ZNF536: variants seen among roughly 807,000 people sequenced by gnomAD.
ZNF536 encodes zinc finger protein 536.
ZNF536 carries 13 observed loss-of-function variants against 84.5 expected under a neutral mutation model. That is an observed-to-expected ratio of 0.15 (90% CI 0.10 to 0.24). The LOEUF (loss-of-function observed/expected upper bound fraction) is 0.24, where lower values mean the gene tolerates loss of function less well. Ranked by LOEUF, ZNF536 falls within the 10% of genes least tolerant of loss-of-function variation. The pLI is 1.00. For missense variants in ZNF536, 1,536 were observed against 1,747.5 expected, an observed-to-expected ratio of 0.88 and a Z score of 2.16; for synonymous variants, 811 against 742.5, an observed-to-expected ratio of 1.09 and a Z score of -1.50.
chr19:30,254,742 T>G (rs1269215119), intron 1 of ZNF536, among the ~76,000 whole-genome samples: 1 of 152,178 alleles, frequency 6.6e-6, no homozygotes, highest in Admixed American at 6.5e-5. Context: ...TGGTTTCACT[T>G]TAGTGAAATA....
chr19:30,309,447 G>T (rs140931796), intron 2 of ZNF536, among the ~76,000 whole-genome samples: 1 of 152,310 alleles, frequency 6.6e-6, no homozygotes, highest in Non-Finnish European at 1.5e-5. Context: ...AGTATTAAAT[G>T]GTTCTGCTGC....
intron 1 of ZNF536, among the ~76,000 whole-genome samples, chr19:30,375,213 G>C (rs1293864729): frequency 6.7e-6 from 1 of 148,958 alleles, no homozygotes; most frequent in Admixed American, 6.7e-5. Context: ...CCCGGCGGTA[G>C]TGCCACCCCG....
intron 2 of ZNF536, among the ~76,000 whole-genome samples, chr19:30,294,549 A>ATATGTG (rs377501364): frequency 6.9e-6 from 1 of 145,504 alleles, no homozygotes; most frequent in African/African-American, 2.5e-5. Flanking sequence ...AGGCCCCAAT[A>ATATGTG]TGTGTGTGTG....
At chr19:30,264,198 G>T (rs2025376137) in intron 1 of ZNF536, among the ~76,000 whole-genome samples, 1 of 152,216 alleles carries the variant, frequency 6.6e-6, no homozygotes, top group Non-Finnish European at 1.5e-5. Flanking sequence ...GGAGAGGCCT[G>T]CCCTCTATCC....
intron 2 of ZNF536, among the ~76,000 whole-genome samples, chr19:30,463,130 T>C (rs1006358157): frequency 6.6e-6 from 1 of 152,168 alleles, no homozygotes; most frequent in Non-Finnish European, 1.5e-5. Context: ...TGCATTTGCC[T>C]GTGTTGGCAT....
At chr19:30,399,369 T>C (rs376558525) in intron 1 of ZNF536, among the ~76,000 whole-genome samples, 2 of 152,204 alleles carry the variant, frequency 1.3e-5, no homozygotes, top group East Asian at 3.9e-4. Context: ...GTAGGTTGCC[T>C]GTTCACTCTG....
chr19:30,618,875 T>A (rs983280515), intron 1 of ZNF536, among the ~76,000 whole-genome samples: 2 of 152,164 alleles, frequency 1.3e-5, no homozygotes, highest in African/African-American at 4.8e-5. Flanking sequence ...CATTCCTTTA[T>A]TTGAGGATAG....
At position 30,431,687 on chromosome 19, in the gene ZNF536, C is replaced by A. The variant is rs189451861; in HGVS notation, c.-2-11874C>A. On this transcript the variant is annotated intron_variant, in intron 1 of 4. Coordinates refer to ENST00000355537, the MANE Select transcript of ZNF536 (RefSeq NM_014717.3). The stretch of plus-strand genomic sequence containing the variant: ...GTGCTCAAATGTAAACGGCTTTAAT[C>A]AGGGGTAAAGGAGCAGGGAGGTGTA... Among the ~76,000 whole-genome samples, 266 of 152,302 alleles carry A rather than the reference C, an allele frequency of 1.7e-3. 1 individual carries two copies. Among genetic ancestry groups the A allele is most frequent in the Non-Finnish European group, 2.5e-3 (167 of 68,024 alleles).
At chr19:30,636,648 T>C (rs2049078682) in intron 1 of ZNF536, among the ~76,000 whole-genome samples, 1 of 152,168 alleles carries the variant, frequency 6.6e-6, no homozygotes. Flanking sequence ...CACAATATTT[T>C]TGGACACTCT....
intron 2 of ZNF536, among the ~76,000 whole-genome samples, chr19:30,465,088 A>G (rs534243351): frequency 1.3e-5 from 2 of 152,228 alleles, no homozygotes; most frequent in Non-Finnish European, 2.9e-5. Context: ...CTTCCCATTC[A>G]TGAAGTACGG....
rs144474545 is a variant in ZNF536 at position 30,534,892 on chromosome 19, C to T, written c.2216C>T (p.Ala739Val). ...AGRSAGVQQP[A>V]LLRDRSLGSA... Reference sequence around the variant, plus strand: ...AGATCTGCCGGCGTCCAGCAACCAGCGCTGCTTCGCGACAGAAGCCTGGGC... The same window carrying T: ...AGATCTGCCGGCGTCCAGCAACCAGTGCTGCTTCGCGACAGAAGCCTGGGC... Residue 739 changes from alanine (A) to valine (V), a missense_variant, in exon 3 of 5, where the codon GCG (alanine) becomes GTG (valine). Ala to Val is a moderately conservative substitution (Grantham distance 64). Around this residue, in one of 8 missense-constraint regions of ZNF536, gnomAD observed 148 missense variants for 205.4 expected, o/e 0.72. Coordinates refer to ENST00000355537, the MANE Select transcript of ZNF536 (RefSeq NM_014717.3). The T allele has an allele frequency of 8.6e-5, 138 of 1,613,880 alleles. No homozygotes were observed. Among genetic ancestry groups the T allele is most frequent in the Middle Eastern group, 1.6e-4 (1 of 6,062 alleles).
chr19:30,421,753 C>T (rs1185207580), intron 1 of ZNF536, among the ~76,000 whole-genome samples: 1 of 152,194 alleles, frequency 6.6e-6, no homozygotes, highest in Non-Finnish European at 1.5e-5. Context: ...CTGGGATCTC[C>T]AGGAGAGAAG....
At chr19:30,272,027 T>A (rs759353965) in intron 1 of ZNF536, among the ~76,000 whole-genome samples, 1 of 152,192 alleles carries the variant, frequency 6.6e-6, no homozygotes, top group Non-Finnish European at 1.5e-5. Context: ...TCTGGGAATT[T>A]TTTGGACATC....
chr19:30,382,849 A>G (rs1305872141), intron 1 of ZNF536, among the ~76,000 whole-genome samples: 1 of 152,174 alleles, frequency 6.6e-6, no homozygotes, highest in East Asian at 1.9e-4. Context: ...GTGTGAAGGA[A>G]ATTTGGTATA....
At chr19:30,533,049 C>T (rs2044914210) in intron 2 of ZNF536, among the ~76,000 whole-genome samples, 1 of 151,974 alleles carries the variant, frequency 6.6e-6, no homozygotes, top group Non-Finnish European at 1.5e-5. Context: ...GTAATTATAC[C>T]CTTTGAATAG....
At chr19:30,226,452 G>T (rs113570139), upstream of ZNF536, among the ~76,000 whole-genome samples, 8,202 of 151,418 alleles carry the variant, frequency 0.054, 254 homozygotes, top group South Asian at 0.1. The surrounding 1 kb of genome is among the most constrained non-coding windows in gnomAD (Gnocchi z 4.6). Context: ...AAACTTGCGG[G>T]CGCCGAGAGC....
At chr19:30,351,055 G>A (rs956216104) in intron 2 of ZNF536, among the ~76,000 whole-genome samples, 1 of 152,162 alleles carries the variant, frequency 6.6e-6, no homozygotes, top group African/African-American at 2.4e-5. Context: ...TAAAGACGGG[G>A]AATAAAATGG....
downstream of ZNF536, among the ~76,000 whole-genome samples, chr19:30,561,956 A>G (rs992917829): frequency 6.6e-6 from 1 of 152,226 alleles, no homozygotes; most frequent in Non-Finnish European, 1.5e-5. Context: ...AGAGCCACAG[A>G]TGAGAACAGA....
At chr19:30,661,094 G>T (rs2147576987) in intron 1 of ZNF536, among the ~76,000 whole-genome samples, 1 of 152,282 alleles carries the variant, frequency 6.6e-6, no homozygotes, top group South Asian at 2.1e-4. Context: ...AACAAGATAA[G>T]AGACCAGCAA....
Sources: allele counts gnomAD v4.1 joint callset (sites outside exome capture counted in the v4.1 genomes callset), GRCh38; gene constraint gnomAD v4.1.1; regional missense constraint gnomAD v4.1.1; non-coding constraint Gnocchi (gnomAD v3.1); transcripts MANE v1.5; gene names NCBI Gene and HGNC (gene_info 2026-07-23, HGNC 2026-07-21).